The following AFG3L2 variants were observed in gnomAD, a reference collection of about 807,000 sequenced individuals.
The protein encoded by AFG3L2 is AFG3 like matrix AAA peptidase subunit 2, also known as mitochondrial inner membrane m-AAA protease component AFG3L2.
Under a neutral mutation model 94.5 loss-of-function variants are expected in AFG3L2, and 54 were observed. The ratio of observed to expected loss-of-function variants is 0.57; its 90% CI spans 0.46 to 0.72. The LOEUF (loss-of-function observed/expected upper bound fraction) is 0.72. Among genes scored for constraint, AFG3L2 ranks in the 30% least tolerant of loss-of-function variants. The pLI is 0.00. For synonymous variants in AFG3L2, 377 were observed against 365.5 expected (o/e 1.03, Z -0.36); for missense variants, 754 against 994.9 (o/e 0.76, Z 3.26).
chr18:12,334,503 T>C (rs534702458), intron 16 of AFG3L2, among the ~76,000 whole-genome samples: 4 of 152,170 alleles, frequency 2.6e-5, no homozygotes, highest in Non-Finnish European at 5.9e-5. Flanking sequence ...CATATTCTGA[T>C]TGCAAATGCG....
intron 6 of AFG3L2, among the ~76,000 whole-genome samples, chr18:12,362,776 G>GACATGGGCCGCTGGGCTATTTCTCATTTT (rs1456190056): frequency 6.6e-6 from 1 of 152,150 alleles, no homozygotes; most frequent in African/African-American, 2.4e-5. Context: ...TAGACAATGT[G>GACATGGGCCGCTGGGCTATTTCTCATTTT]TGAGAGGACG....
chr18:12,366,778 T>A (rs1226896614), intron 5 of AFG3L2, among the ~76,000 whole-genome samples, 187 bp downstream of exon 5: 1 of 152,232 alleles, frequency 6.6e-6, no homozygotes, highest in Admixed American at 6.5e-5. Context: ...GTGGGTAAAT[T>A]TGAGGACACC....
chr18:12,331,948 A>T (rs1335071729), intron 16 of AFG3L2, among the ~76,000 whole-genome samples: 1 of 151,918 alleles, frequency 6.6e-6, no homozygotes, highest in African/African-American at 2.4e-5. Context: ...TTACAGCTGG[A>T]CCATAAATTT....
At chr18:12,374,418 G>A (rs545751574) in intron 1 of AFG3L2, among the ~76,000 whole-genome samples, 36 of 152,280 alleles carry the variant, frequency 2.4e-4, no homozygotes, top group Non-Finnish European at 5.0e-4. Context: ...CACCGTGAAA[G>A]CAGTACTTCT....
At chr18:12,365,971 T>C (rs532462484) in intron 5 of AFG3L2, among the ~76,000 whole-genome samples, 2 of 146,802 alleles carry the variant, frequency 1.4e-5, no homozygotes, top group Non-Finnish European at 3.0e-5. Context: ...GCCTCCCGGG[T>C]TCACGCCATT....
In AFG3L2 at chr18:12,329,513, T is replaced by C. The variant is rs1344378049; in HGVS notation, c.*52A>G. Reference sequence around the variant, plus strand: ...CTTCTGAAAGCCACAGCTGAAATAATGCACCAGCTGAAACCACAGTGGACA... The same window carrying C: ...CTTCTGAAAGCCACAGCTGAAATAACGCACCAGCTGAAACCACAGTGGACA... On this transcript the variant is annotated 3_prime_UTR_variant, in exon 17 of 17. Transcript: ENST00000269143. The C allele has an allele frequency of 4.5e-6, 7 of 1,558,092 alleles. No homozygotes were observed. The South Asian group carries it at 5.6e-5, about 12-fold the overall frequency.
At chr18:12,348,499 G>A in intron 12 of AFG3L2, 116 bp from the exon 13 acceptor site, 1 of 790,994 alleles carries the variant, frequency 1.3e-6, no homozygotes, top group Non-Finnish European at 2.2e-6. Context: ...AATGAATAAA[G>A]GTTTTGTGTA....
intron 15 of AFG3L2, among the ~76,000 whole-genome samples, chr18:12,338,068 T>G (rs528015196): frequency 2.6e-5 from 4 of 152,034 alleles, no homozygotes; most frequent in Non-Finnish European, 5.9e-5. Context: ...AGCCACTACC[T>G]GGTTTCTTTT....
At chr18:12,370,410 A>G (rs1326652863) in intron 3 of AFG3L2, among the ~76,000 whole-genome samples, 1 of 151,994 alleles carries the variant, frequency 6.6e-6, no homozygotes, top group East Asian at 1.9e-4. Context: ...AGGTCTCTAG[A>G]ATTTTATATG....
At chr18:12,340,872 C>A in intron 14 of AFG3L2, 1 of 164,498 alleles carries the variant, frequency 6.1e-6, no homozygotes, top group Admixed American at 5.7e-5. Flanking sequence ...GGATTACAGG[C>A]GTGAGCTACC....
chr18:12,377,195 G>T lies in AFG3L2; in HGVS notation c.-113C>A. ...GGGAAAGGCCGCCAGGCAGCGAAGCGCGCCGGCGGCTCACGGAGGAGCCCA... is the reference window on the plus strand; with the variant it reads ...GGGAAAGGCCGCCAGGCAGCGAAGCTCGCCGGCGGCTCACGGAGGAGCCCA... On this transcript the variant is annotated 5_prime_UTR_variant, in exon 1 of 17. Coordinates refer to ENST00000269143, the MANE Select transcript of AFG3L2 (RefSeq NM_006796.3). 4 of 817,942 alleles carry T rather than the reference G, an allele frequency of 4.9e-6. No homozygotes were observed. Among genetic ancestry groups the T allele is most frequent in the South Asian group, 1.6e-5 (1 of 62,622 alleles). The allele number at this position is 817,942 out of a possible 1,614,324, so 50.7% of individuals were successfully genotyped here. A position where few individuals can be genotyped will look rare whatever the true frequency, so the allele number is the denominator to read the frequency against.
intron 16 of AFG3L2, among the ~76,000 whole-genome samples, chr18:12,331,994 A>T (rs1907547312): frequency 6.6e-6 from 1 of 152,010 alleles, no homozygotes; most frequent in African/African-American, 2.4e-5. Flanking sequence ...AGAAAAAGGG[A>T]CCCCTACCGG....
Position 12,351,296 on chromosome 18 carries a change from A to G in AFG3L2, c.1426+10T>C, listed in dbSNP as rs761212062. ...GAGCACTGGACCTGCCCCAGCAAAC[A>G]TCATCTCACCAATAAAGATCTGCCT... On this transcript the variant is annotated intron_variant, in intron 11 of 16. Coordinates refer to ENST00000269143, the MANE Select transcript of AFG3L2 (RefSeq NM_006796.3). The G allele has an allele frequency of 6.2e-7, 1 of 1,614,122 alleles. No individual in the cohort carries two copies. The highest frequency in any genetic ancestry group is 1.7e-5 in the Admixed American group (1 of 60,010).
At position 12,351,545 on chromosome 18, in the gene AFG3L2, T is replaced by C. The variant is rs1368398156; in HGVS notation, c.1319-132A>G. 3.6e-6 allele frequency: 3 copies of C among 842,042 alleles called. No individual in the cohort carries two copies. In the Admixed American group the frequency reaches 6.7e-5, roughly 19 times the overall value. 52.2% of individuals were successfully genotyped at this position (842,042 alleles called of 1,614,324 possible). On this transcript the variant is annotated intron_variant, in intron 10 of 16. Transcript: ENST00000269143. ...CATTTTCTATTCATTATCTAGTGTT[T>C]TTTGTTTTTTTTTTTTTTGAGACGG...
intron 14 of AFG3L2, chr18:12,342,730 A>T (rs1336943257): frequency 6.6e-6 from 1 of 152,076 alleles, no homozygotes; most frequent in Non-Finnish European, 1.5e-5. Flanking sequence ...AACGTTCACC[A>T]TTTTTCCTGT....
chr18:12,344,606 G>A (rs1385684086), intron 13 of AFG3L2, among the ~76,000 whole-genome samples: 3 of 151,948 alleles, frequency 2.0e-5, no homozygotes, highest in Admixed American at 6.6e-5. Flanking sequence ...CCCAGGAGGC[G>A]GAGGTTGCAG....
Position 12,366,988 on chromosome 18 carries a change from T to C in AFG3L2, c.529A>G (p.Asn177Asp), listed in dbSNP as rs1336534371. The C allele has an allele frequency of 6.2e-7, 1 of 1,614,260 alleles. No individual in the cohort carries two copies. ...GREITWKDFVNNYLSKGVVDR... is the reference protein window; with the variant it reads ...GREITWKDFVDNYLSKGVVDR... ...ACTACTCCTTTTGAAAGATAGTTATTGACAAAGTCCTTCCAAGTGATTTCT... is the reference window on the plus strand; with the variant it reads ...ACTACTCCTTTTGAAAGATAGTTATCGACAAAGTCCTTCCAAGTGATTTCT... Residue 177 changes from asparagine (N) to aspartate (D), a missense_variant, in exon 5 of 17, where the codon AAT (asparagine) becomes GAT (aspartate). This residue lies in a region of AFG3L2 where 130 missense variants were observed against 175.1 expected (regional missense o/e 0.74). Coordinates refer to ENST00000269143, the MANE Select transcript of AFG3L2 (RefSeq NM_006796.3).
At chr18:12,354,972 T>C (rs1459415099) in intron 9 of AFG3L2, among the ~76,000 whole-genome samples, 3 of 152,086 alleles carry the variant, frequency 2.0e-5, no homozygotes, top group Admixed American at 6.5e-5. Flanking sequence ...CCCAGCACTT[T>C]AGGAGGGCAA....
chr18:12,351,047 T>A, intron 12 of AFG3L2, 38 bp downstream of exon 12: 1 of 1,611,496 alleles, frequency 6.2e-7, no homozygotes, highest in Admixed American at 1.7e-5. Context: ...CTGATTTTAA[T>A]ATGCTTCTAA....
Sources: allele counts gnomAD v4.1 joint callset (sites outside exome capture counted in the v4.1 genomes callset), GRCh38; gene constraint gnomAD v4.1.1; regional missense constraint gnomAD v4.1.1; transcripts MANE v1.5; gene names NCBI Gene and HGNC (gene_info 2026-07-23, HGNC 2026-07-21).